WDR27: variants seen among roughly 807,000 people sequenced by gnomAD.
The protein encoded by WDR27 is WD repeat-containing protein 27.
In WDR27, 100 loss-of-function variants were observed where a neutral mutation model predicts 114.4. The observed-to-expected ratio is 0.87, with a 90% CI of 0.74 to 1.03. The LOEUF is 1.03. WDR27 is among the 50% of genes least tolerant of loss of function. The pLI is 0.00. For synonymous variants in WDR27, 449 were observed against 423.1 expected, an observed-to-expected ratio of 1.06 and a Z score of -0.75; for missense variants, 1,129 against 1,092.9, an observed-to-expected ratio of 1.03 and a Z score of -0.47.
intron 1 of WDR27, among the ~76,000 whole-genome samples, chr6:169,701,268 GA>G (rs1787939399): frequency 6.6e-6 from 1 of 152,080 alleles, no homozygotes. Flanking sequence ...CTTCTGATTA[GA>G]AAAGATCGAA....
intron 9 of WDR27, 29 bp from the exon 10 acceptor site, chr6:169,660,795 C>T (rs1414243015): frequency 1.3e-6 from 2 of 1,594,268 alleles, no homozygotes; most frequent in Non-Finnish European, 1.7e-6. Context: ...GAAAAGAATA[C>T]ACAATAATCT....
the WDR27 span, among the ~76,000 whole-genome samples, chr6:169,427,404 T>C: frequency 6.6e-6 from 1 of 151,748 alleles, no homozygotes; most frequent in African/African-American, 2.4e-5. Flanking sequence ...TCTGGGGACA[T>C]CTAAAAAGTT....
intron 24 of WDR27, among the ~76,000 whole-genome samples, chr6:169,578,795 G>A (rs534668642): frequency 6.6e-6 from 1 of 152,318 alleles, no homozygotes; most frequent in African/African-American, 2.4e-5. Context: ...TTGTTCCCAA[G>A]CAACCTTGTA....
Position 169,664,256 on chromosome 6 carries a change from G to C in WDR27, c.814C>G (p.His272Asp). 1 of 1,613,918 alleles carries C rather than the reference G, an allele frequency of 6.2e-7. No individual in the cohort carries two copies. The highest frequency in any genetic ancestry group is 1.1e-5 in the South Asian group (1 of 91,084). The stretch of plus-strand genomic sequence containing the variant: ...TCAACCCGTGCCACACGACGATAAT[G>C]GTGTCCATCCATCAAACTGAAGATC... ...LWIFSLMDGH[H>D]YRRVARVDLR... Residue 272 changes from histidine (H) to aspartate (D), a missense_variant, in exon 8 of 26, where the codon CAT (histidine) becomes GAT (aspartate). His to Asp is a moderately conservative substitution (Grantham distance 81). Coordinates refer to ENST00000448612, the MANE Select transcript of WDR27 (RefSeq NM_182552.5).
At chr6:169,460,327 TA>T (rs1784760391) in intron 25 of WDR27, among the ~76,000 whole-genome samples, 1 of 152,182 alleles carries the variant, frequency 6.6e-6, no homozygotes, top group Non-Finnish European at 1.5e-5. Flanking sequence ...TAAAGAAACA[TA>T]ATTTTTTGTG....
At chr6:169,594,043 T>A (rs1258633390) in intron 23 of WDR27, among the ~76,000 whole-genome samples, 3 of 152,208 alleles carry the variant, frequency 2.0e-5, no homozygotes, top group Non-Finnish European at 2.9e-5. Flanking sequence ...TTTTCCCTTT[T>A]AAAAACGTCT....
chr6:169,462,215 C>T (rs755089285), intron 25 of WDR27, among the ~76,000 whole-genome samples: 2 of 151,870 alleles, frequency 1.3e-5, no homozygotes, highest in Non-Finnish European at 1.5e-5. Context: ...TTTGGGAGGC[C>T]GAGGTGGTCA....
At chr6:169,431,328 C>T in the WDR27 span, among the ~76,000 whole-genome samples, 3,080 of 152,178 alleles carry the variant, frequency 0.02, 64 homozygotes, top group East Asian at 0.071. Context: ...TTTCATTTGA[C>T]TTTGACATTC....
At position 169,633,207 on chromosome 6, in the gene WDR27, C is replaced by T. The variant is rs566395393; in HGVS notation, c.2102-139G>A. ...GACTAGTTAAGAATTTCTGAAATGC[C>T]GCAGGAAAAGTCCTGAGTCCAGTCC... On this transcript the variant is annotated intron_variant, in intron 20 of 25. Coordinates refer to ENST00000448612, the MANE Select transcript of WDR27 (RefSeq NM_182552.5). 4.7e-5 allele frequency: 48 copies of T among 1,014,828 alleles called. No individual in the cohort carries two copies. In the African/African-American group the frequency reaches 6.1e-4, roughly 13 times the overall value. The allele number at this position is 1,014,828 out of a possible 1,614,324, so 62.9% of individuals were successfully genotyped here. A position where few individuals can be genotyped will look rare whatever the true frequency, so the allele number is the denominator to read the frequency against.
At chr6:169,596,694 G>A (rs1471732159) in intron 23 of WDR27, among the ~76,000 whole-genome samples, 8 of 152,016 alleles carry the variant, frequency 5.3e-5, no homozygotes, top group Non-Finnish European at 1.0e-4. Context: ...AATAGAGAGA[G>A]AAGATAGGTA....
rs1485800462 is a variant in WDR27 at position 169,597,795 on chromosome 6, T to C, written c.2424+4424A>G. ...TTGACCCTCCATGGCCCTAAAGTTT[T>C]CAAGTTTTTATCTCTACATCCCTGC... On this transcript the variant is annotated intron_variant, in intron 23 of 25. Coordinates refer to ENST00000448612, the MANE Select transcript of WDR27 (RefSeq NM_182552.5). Among the ~76,000 whole-genome samples the C allele has an allele frequency of 2.6e-5, 4 of 151,984 alleles. No homozygotes were observed. The South Asian group carries it at 6.2e-4, about 24-fold the overall frequency.
rs543388584 is a variant in WDR27, at chr6:169,663,016, G to A, written c.905-592C>T. ...CACGGAGTCACTCGGATCACGCGTC[G>A]AGGAAAGCACAAAGGTAACACCCAG... On this transcript the variant is annotated intron_variant, in intron 8 of 25. Transcript: ENST00000448612. Among the ~76,000 whole-genome samples the A allele has an allele frequency of 8.7e-4, 130 of 148,916 alleles. 1 individual carries two copies. The highest frequency in any genetic ancestry group is 3.6e-3 in the Middle Eastern group (1 of 278).
chr6:169,523,237 C>T (rs887915788), intron 25 of WDR27, among the ~76,000 whole-genome samples: 4 of 151,858 alleles, frequency 2.6e-5, no homozygotes, highest in African/African-American at 9.7e-5. Context: ...AAGACTGAAC[C>T]ATGAAGAAAT....
At chr6:169,507,084 TA>T in intron 25 of WDR27, among the ~76,000 whole-genome samples, 1 of 152,330 alleles carries the variant, frequency 6.6e-6, no homozygotes, top group East Asian at 1.9e-4. Flanking sequence ...AGAAATAAAA[TA>T]TTTTGAGTCC....
rs1429187924 is a variant in WDR27 at position 169,670,692 on chromosome 6, C to A, written c.333G>T (p.Gly111=). 10 of 1,613,830 alleles carry A rather than the reference C, an allele frequency of 6.2e-6. No individual in the cohort carries two copies. Among genetic ancestry groups the A allele is most frequent in the Non-Finnish European group, 8.5e-6 (10 of 1,179,832 alleles). The part of the protein sequence containing the change: ...LDECREKVLQ[G]LVPRGTVMGS... ...CCATGACAGTCCCTCGAGGGACCAGCCCTAGAGTGAGTTTCACCATTAGTG... is the reference window on the plus strand; with the variant it reads ...CCATGACAGTCCCTCGAGGGACCAGACCTAGAGTGAGTTTCACCATTAGTG... Residue 111 remains glycine (G), a splice_region_variant and synonymous_variant, in exon 4 of 26, where the codon GGG becomes GGT. Coordinates refer to ENST00000448612, the MANE Select transcript of WDR27 (RefSeq NM_182552.5).
chr6:169,504,082 G>T (rs1317025854), intron 25 of WDR27, among the ~76,000 whole-genome samples: 1 of 149,066 alleles, frequency 6.7e-6, no homozygotes, highest in Non-Finnish European at 1.5e-5. Context: ...TAGATAAAAA[G>T]ATAGATGAAC....
Position 169,659,080 on chromosome 6 carries a change from C to A in WDR27, c.1319+6G>T. 1 of 1,542,114 alleles carries A rather than the reference C, an allele frequency of 6.5e-7. No homozygotes were observed. The highest frequency in any genetic ancestry group is 8.7e-7 in the Non-Finnish European group (1 of 1,147,110). On this transcript the variant is annotated splice_donor_region_variant and intron_variant, in intron 12 of 25. Coordinates refer to ENST00000448612, the MANE Select transcript of WDR27 (RefSeq NM_182552.5). The surrounding 1 kb of genome is among the most constrained non-coding windows in gnomAD (Gnocchi z 4.3). ...CACACACACTCCACACTTGAAGACA[C>A]TCTACCTGGCTGGCACCGAGAGGCT...
rs533759970 is a variant in WDR27 at position 169,527,075 on chromosome 6, A to G, written c.2645+45344T>C. Among the ~76,000 whole-genome samples the G allele has an allele frequency of 7.9e-5, 12 of 152,268 alleles. 1 individual carries two copies. Among genetic ancestry groups the G allele is most frequent in the Non-Finnish European group, 1.8e-4 (12 of 68,050 alleles). On this transcript the variant is annotated intron_variant, in intron 25 of 25. Coordinates refer to ENST00000448612, the MANE Select transcript of WDR27 (RefSeq NM_182552.5). ...TGTAAAATAATGTAGCCACTGGTAT[A>G]AAGGTTTAGCAATTCTTCCAACAGT...
chr6:169,539,515 TA>T (rs1056638354), intron 25 of WDR27, among the ~76,000 whole-genome samples: 2 of 151,696 alleles, frequency 1.3e-5, no homozygotes, highest in African/African-American at 4.9e-5. Context: ...ATCCCTTACT[TA>T]AAAAAAACAA....
Sources: allele counts gnomAD v4.1 joint callset (sites outside exome capture counted in the v4.1 genomes callset), GRCh38; gene constraint gnomAD v4.1.1; non-coding constraint Gnocchi (gnomAD v3.1); transcripts MANE v1.5; gene names NCBI Gene and HGNC (gene_info 2026-07-23, HGNC 2026-07-21).